Variants in SESTD1 observed in about 807,000 individuals in gnomAD.
The protein encoded by SESTD1 is SEC14 and spectrin domain containing 1, also known as SEC14 domain and spectrin repeat-containing protein 1.
Under a neutral mutation model 101.7 loss-of-function variants are expected in SESTD1, and 43 were observed. That is an observed-to-expected ratio of 0.42 (90% CI 0.33 to 0.55). The LOEUF is 0.55. Ranked by LOEUF, SESTD1 falls within the 20% of genes least tolerant of loss-of-function variation. The probability of loss-of-function intolerance (pLI) is 0.07; values close to 1 mark genes in which losing one functional copy is unlikely to be tolerated. For missense variants in SESTD1, 647 were observed against 815.1 expected, an observed-to-expected ratio of 0.79 and a Z score of 2.51; for synonymous variants, 283 against 286.8, an observed-to-expected ratio of 0.99 and a Z score of 0.13.
In SESTD1 at chr2:179,209,239, C is replaced by T. The variant is rs1332721566; in HGVS notation, c.-25-17373G>A. On this transcript the variant is annotated intron_variant, in intron 1 of 17. Transcript: ENST00000428443. ...ATTTATAAAACAATTACTACTAGAC[C>T]GAAGAAATGAGACACATGGCAACAC... Among the ~76,000 whole-genome samples, 4 of 133,726 alleles carry T rather than the reference C, an allele frequency of 3.0e-5. 1 individual carries two copies. The highest frequency in any genetic ancestry group is 1.4e-4 in the Admixed American group (2 of 13,820). The allele number at this position is 133,726 out of a possible 152,430, so 87.7% of individuals were successfully genotyped here.
intron 5 of SESTD1, among the ~76,000 whole-genome samples, chr2:179,154,713 G>T (rs1342843094): frequency 6.6e-6 from 1 of 151,938 alleles, no homozygotes; most frequent in East Asian, 1.9e-4. Context: ...AACTCTATAG[G>T]ACAAACAATT....
At chr2:179,232,133 T>C (rs2046997349) in intron 1 of SESTD1, among the ~76,000 whole-genome samples, 1 of 152,068 alleles carries the variant, frequency 6.6e-6, no homozygotes, top group Non-Finnish European at 1.5e-5. Context: ...AAAGCAACAG[T>C]ATATTTTATG....
intron 3 of SESTD1, among the ~76,000 whole-genome samples, chr2:179,178,042 AG>A: frequency 6.6e-6 from 1 of 152,310 alleles, no homozygotes; most frequent in Non-Finnish European, 1.5e-5. Flanking sequence ...AAGGGTTAGG[AG>A]GGAAGAATGG....
chr2:179,232,912 G>A (rs2047007199), intron 1 of SESTD1, among the ~76,000 whole-genome samples: 1 of 152,176 alleles, frequency 6.6e-6, no homozygotes, highest in Non-Finnish European at 1.5e-5. Flanking sequence ...GGATGGAGAA[G>A]ATGAGTGGAG....
chr2:179,173,310 C>CA (rs1486043142), intron 4 of SESTD1, among the ~76,000 whole-genome samples: 2 of 152,136 alleles, frequency 1.3e-5, no homozygotes, highest in Non-Finnish European at 2.9e-5. Context: ...TTCTTCATAG[C>CA]ATTTATCACC....
Position 179,101,739 on chromosome 2 carries a change from C to G in SESTD1, c.*8160G>C, listed in dbSNP as rs1469932376. On this transcript the variant is annotated 3_prime_UTR_variant, in exon 18 of 18. Coordinates refer to ENST00000428443, the MANE Select transcript of SESTD1 (RefSeq NM_178123.5). ...TTTTGAACAAACACAATGGTAAGAT[C>G]ACTTCAATGGTTTGAAACAGGTTTG... 2.0e-5 allele frequency: 3 copies of G among 152,278 alleles called. No individual in the cohort carries two copies. The highest frequency in any genetic ancestry group is 4.1e-4 in the South Asian group (2 of 4,820). The allele number at this position is 152,278 out of a possible 1,614,324, so 9.4% of individuals were successfully genotyped here. A position where few individuals can be genotyped will look rare whatever the true frequency, so the allele number is the denominator to read the frequency against.
chr2:179,171,046 C>CA (rs1346122692), intron 5 of SESTD1, among the ~76,000 whole-genome samples: 1 of 152,102 alleles, frequency 6.6e-6, no homozygotes, highest in East Asian at 1.9e-4. Context: ...AGTACAGAAA[C>CA]AGTTTTCCTA....
At chr2:179,245,176 A>T (rs1448616736) in intron 1 of SESTD1, among the ~76,000 whole-genome samples, 2 of 151,882 alleles carry the variant, frequency 1.3e-5, no homozygotes, top group Non-Finnish European at 2.9e-5. Context: ...GCAACACAGC[A>T]TGTTGGCAAC....
At chr2:179,213,469 A>G (rs1382543198) in intron 1 of SESTD1, among the ~76,000 whole-genome samples, 2 of 135,000 alleles carry the variant, frequency 1.5e-5, no homozygotes, top group African/African-American at 2.9e-5. Context: ...AAAAGAAACG[A>G]ACAAAGCCTC....
At chr2:179,171,880 G>C (rs1266669064) in intron 5 of SESTD1, among the ~76,000 whole-genome samples, 1 of 152,094 alleles carries the variant, frequency 6.6e-6, no homozygotes, top group African/African-American at 2.4e-5. Flanking sequence ...ATTCAAAGAA[G>C]TTAACAAAGA....
chr2:179,246,734 CA>C (rs1206869432), intron 1 of SESTD1, among the ~76,000 whole-genome samples: 22 of 152,140 alleles, frequency 1.4e-4, no homozygotes, highest in Admixed American at 5.2e-4. Flanking sequence ...TTTAAAATAA[CA>C]AAATCATACA....
At chr2:179,196,151 A>C (rs752595466) in intron 1 of SESTD1, among the ~76,000 whole-genome samples, 7 of 152,234 alleles carry the variant, frequency 4.6e-5, no homozygotes, top group Non-Finnish European at 1.0e-4. Context: ...CAGGAAGCGC[A>C]AGGGGTCAGG....
intron 1 of SESTD1, among the ~76,000 whole-genome samples, chr2:179,249,762 A>G (rs930921764): frequency 7.9e-5 from 12 of 152,168 alleles, no homozygotes; most frequent in Admixed American, 2.0e-4. Flanking sequence ...AATAAAACAG[A>G]AGAGAGAACT....
At position 179,194,927 on chromosome 2, in the gene SESTD1, G is replaced by A. The variant is rs138638083; in HGVS notation, c.-25-3061C>T. Among the ~76,000 whole-genome samples the A allele has an allele frequency of 2.0e-3, 307 of 152,290 alleles. 1 individual carries two copies. Among genetic ancestry groups the A allele is most frequent in the African/African-American group, 6.9e-3 (285 of 41,572 alleles). On this transcript the variant is annotated intron_variant, in intron 1 of 17. Coordinates refer to ENST00000428443, the MANE Select transcript of SESTD1 (RefSeq NM_178123.5). ...GACATGAACTCCAAAAGCCAGATCAGAGACCACAAACTACTTTCCCAACAT... is the reference window on the plus strand; with the variant it reads ...GACATGAACTCCAAAAGCCAGATCAAAGACCACAAACTACTTTCCCAACAT...
intron 12 of SESTD1, among the ~76,000 whole-genome samples, chr2:179,123,346 C>A (rs2044795013): frequency 1.3e-5 from 2 of 152,140 alleles, no homozygotes; most frequent in African/African-American, 4.8e-5. Context: ...CAACAAAAAT[C>A]ATTGCATAAA....
At chr2:179,142,659 G>A (rs894396471) in intron 9 of SESTD1, among the ~76,000 whole-genome samples, 9 of 152,198 alleles carry the variant, frequency 5.9e-5, no homozygotes, top group Admixed American at 4.6e-4. Flanking sequence ...CAAAATGCCA[G>A]TTCTTTCAAA....
chr2:179,105,597 G>C lies in SESTD1; in HGVS notation c.*4302C>G, dbSNP rs908576233. The C allele has an allele frequency of 6.6e-6, 1 of 152,098 alleles. No individual in the cohort carries two copies. The highest frequency in any genetic ancestry group is 1.5e-5 in the Non-Finnish European group (1 of 68,020). 9.4% of individuals were successfully genotyped at this position (152,098 alleles called of 1,614,324 possible). Reference sequence around the variant, plus strand: ...GCCATTTCCTCACCATCCCATGCTTGTCATGTGAGACAACAGAAAGGATAA... The same window carrying C: ...GCCATTTCCTCACCATCCCATGCTTCTCATGTGAGACAACAGAAAGGATAA... On this transcript the variant is annotated 3_prime_UTR_variant, in exon 18 of 18. Transcript: ENST00000428443.
intron 1 of SESTD1, among the ~76,000 whole-genome samples, chr2:179,219,700 A>C (rs2046786356): frequency 6.6e-6 from 1 of 152,240 alleles, no homozygotes. Flanking sequence ...CAAGTCAACA[A>C]TGGAAATTTT....
chr2:179,229,899 T>C (rs62177328), intron 1 of SESTD1, among the ~76,000 whole-genome samples: 8,342 of 148,998 alleles, frequency 0.056, 324 homozygotes, highest in South Asian at 0.15. Flanking sequence ...TGTGCTACAC[T>C]GACAGAAGAG....
Sources: gnomAD v4.1 joint callset for allele counts (sites outside exome capture counted in the v4.1 genomes callset) on GRCh38, gnomAD v4.1.1 for gene constraint, MANE v1.5 for transcripts, NCBI Gene and HGNC (gene_info 2026-07-23, HGNC 2026-07-21) for gene names.